The following HMGCL variants were observed in gnomAD, a reference collection of about 807,000 sequenced individuals.
The protein encoded by HMGCL is hydroxymethylglutaryl-CoA lyase, mitochondrial.
A neutral mutation model predicts 37.3 loss-of-function variants in HMGCL; 26 were observed. The observed-to-expected ratio is 0.70, with a 90% CI of 0.51 to 0.97. HMGCL has a LOEUF of 0.97. HMGCL is among the 50% of genes least tolerant of loss of function. The pLI is 0.00. For synonymous variants in HMGCL, 151 were observed against 148.0 expected, an observed-to-expected ratio of 1.02 and a Z score of -0.15; for missense variants, 379 against 398.1, an observed-to-expected ratio of 0.95 and a Z score of 0.41.
intron 4 of HMGCL, chr1:23,816,436 C>T: frequency 1.7e-6 from 1 of 573,774 alleles, no homozygotes; most frequent in Non-Finnish European, 3.1e-6. Context: ...TACATGCATC[C>T]TATCTTCTGA....
chr1:23,807,373 C>T, intron 7 of HMGCL: 1 of 404,898 alleles, frequency 2.5e-6, no homozygotes, highest in Non-Finnish European at 4.9e-6. Flanking sequence ...AACAGACTCA[C>T]CTGGCTTAGA....
chr1:23,815,931 CT>C (rs937565765), intron 4 of HMGCL, among the ~76,000 whole-genome samples: 206 of 141,738 alleles, frequency 1.5e-3, no homozygotes, highest in African/African-American at 2.0e-3. Flanking sequence ...TGAGAAAAAG[CT>C]TTTTTTTTTT....
At chr1:23,817,018 C>G (rs1234801062) in intron 3 of HMGCL, among the ~76,000 whole-genome samples, 5 of 152,194 alleles carry the variant, frequency 3.3e-5, no homozygotes, top group Admixed American at 3.3e-4. Flanking sequence ...TATGCAGAAA[C>G]AGCAGGAATA....
At chr1:23,816,834 A>G in intron 3 of HMGCL, 64 bp from the exon 4 acceptor site, 2 of 987,268 alleles carry the variant, frequency 2.0e-6, no homozygotes, top group Non-Finnish European at 3.3e-6. Flanking sequence ...CAGTTAGAGA[A>G]AACCTTTTCA....
At position 23,806,861 on chromosome 1, in the gene HMGCL, C is replaced by A. The variant is rs1243827545; in HGVS notation, c.750+1274G>T. 4 of 454,152 alleles carry A rather than the reference C, an allele frequency of 8.8e-6. No individual in the cohort carries two copies. The highest frequency in any genetic ancestry group is 2.4e-5 in the Admixed American group (1 of 41,582). 28.1% of individuals were successfully genotyped at this position (454,152 alleles called of 1,614,324 possible). On this transcript the variant is annotated intron_variant, in intron 7 of 8. Coordinates refer to ENST00000374490, the MANE Select transcript of HMGCL (RefSeq NM_000191.3). The surrounding 1 kb of genome is among the most constrained non-coding windows in gnomAD (Gnocchi z 4.0). ...AATGTGCTATTTACACGCCTGTAAT[C>A]TTCCATCTGTCTTCCCCACCCACCA...
At chr1:23,825,324 G>A in intron 1 of HMGCL, 32 bp downstream of exon 1, 2 of 1,539,828 alleles carry the variant, frequency 1.3e-6, no homozygotes, top group Non-Finnish European at 8.8e-7. Context: ...AGTGCCTGCA[G>A]GGCCGCCGCC....
chr1:23,804,272 G>T, intron 8 of HMGCL, 128 bp downstream of exon 8: 2 of 1,167,384 alleles, frequency 1.7e-6, no homozygotes, highest in Non-Finnish European at 2.5e-6. Context: ...CACTGCGCCT[G>T]GCTAACCCTT....
At position 23,804,426 on chromosome 1, in the gene HMGCL, T is replaced by C. The variant is rs748520421; in HGVS notation, c.850A>G (p.Met284Val). 3.7e-6 allele frequency: 6 copies of C among 1,614,232 alleles called. No individual in the cohort carries two copies. The highest frequency in any genetic ancestry group is 1.3e-5 in the African/African-American group (1 of 75,058). ...GNLATEDLVY[M>V]LEGLGIHTGV... ...GTGTGAATGCCCAAGCCCTCTAGCA[T>C]GTAGACCAGGTCTTCTGTGGCCAAG... The change falls in exon 8 of 9, where the codon ATG (methionine) becomes GTG (valine). Residue 284 changes from methionine to valine, a missense_variant. Coordinates refer to ENST00000374490, the MANE Select transcript of HMGCL (RefSeq NM_000191.3).
chr1:23,805,947 CTTTT>C (rs34801023), intron 7 of HMGCL, among the ~76,000 whole-genome samples: 2 of 146,190 alleles, frequency 1.4e-5, no homozygotes, highest in Non-Finnish European at 1.5e-5. Context: ...AGAGGAGCCT[CTTTT>C]TTTTTTTTGA....
chr1:23,814,313 A>C lies in HMGCL; in HGVS notation c.374T>G (p.Val125Gly), dbSNP rs905961108. Residue 125 changes from valine to glycine, a missense_variant, in exon 5 of 9, where the codon GTC (valine) becomes GGC (glycine). Transcript: ENST00000374490. ...GAGCTCTGAGGCAGCTCCAAAGATGACTACTTCCTTGGCTCCAGCAGCAAC... is the reference window on the plus strand; with the variant it reads ...GAGCTCTGAGGCAGCTCCAAAGATGCCTACTTCCTTGGCTCCAGCAGCAAC... ...AAVAAGAKEV[V>G]IFGAASELFT... is the part of the protein sequence containing the mutation. 2.5e-6 allele frequency: 4 copies of C among 1,613,462 alleles called. No homozygotes were observed. The African/African-American group carries it at 5.3e-5, about 22-fold the overall frequency.
At chr1:23,804,356 T>G in intron 8 of HMGCL, 44 bp downstream of exon 8, 1 of 1,612,960 alleles carries the variant, frequency 6.2e-7, no homozygotes, top group Non-Finnish European at 8.5e-7. Context: ...TCAGGCCCCC[T>G]GGTCAGTTCG....
rs1287032720 is a variant in HMGCL, at chr1:23,819,705, G to C, written c.144+805C>G. Among the ~76,000 whole-genome samples the C allele has an allele frequency of 8.5e-5, 13 of 152,258 alleles. No homozygotes were observed. In the East Asian group the frequency reaches 1.7e-3, roughly 20 times the overall value. ...GATTGCGCCATTGCACTCCAGCCTG[G>C]GTGACAGAGTGAGATGCCATCTCCC... On this transcript the variant is annotated intron_variant, in intron 2 of 8. Coordinates refer to ENST00000374490, the MANE Select transcript of HMGCL (RefSeq NM_000191.3).
intron 6 of HMGCL, among the ~76,000 whole-genome samples, 191 bp from the exon 7 acceptor site, chr1:23,808,514 G>A (rs1391021028): frequency 1.3e-5 from 2 of 152,156 alleles, no homozygotes; most frequent in African/African-American, 2.4e-5. Flanking sequence ...AGACTGAGGC[G>A]TAAGGGGCAG....
rs1194563406 is a variant in HMGCL at position 23,802,508 on chromosome 1, G to A, written c.933C>T (p.Asn311=). The A allele has an allele frequency of 1.9e-6, 3 of 1,614,008 alleles. No individual in the cohort carries two copies. The South Asian group carries it at 3.3e-5, about 18-fold the overall frequency. The stretch of plus-strand genomic sequence containing the variant: ...GAGCCACTTTGGAGCTAGTTTTTCT[G>A]TTCAGGGCTTGACAGATAAAGTTTC... ...EAGNFICQAL[N]RKTSSKVAQA... Residue 311 remains asparagine (N), a synonymous_variant, in exon 9 of 9, where the codon AAC becomes AAT. Coordinates refer to ENST00000374490, the MANE Select transcript of HMGCL (RefSeq NM_000191.3).
rs568796561 is a variant in HMGCL at position 23,804,502 on chromosome 1, A to G, written c.774T>C (p.Ser258=). 1.1e-5 allele frequency: 17 copies of G among 1,614,154 alleles called. No homozygotes were observed. In the South Asian group the frequency reaches 1.8e-4, roughly 17 times the overall value. Residue 258 remains serine, a synonymous_variant, in exon 8 of 9, where the codon TCT becomes TCC. Coordinates refer to ENST00000374490, the MANE Select transcript of HMGCL (RefSeq NM_000191.3). ...ALQMGVSVVD[S]SVAGLGGCPY... is the part of the protein sequence containing the mutation. ...GACAGCCTCCAAGTCCTGCCACAGA[A>G]GAGTCCACGACACTCACTCCCATCT...
At chr1:23,807,557 G>A (rs553970337) in intron 7 of HMGCL, among the ~76,000 whole-genome samples, 7 of 152,306 alleles carry the variant, frequency 4.6e-5, no homozygotes, top group East Asian at 1.9e-4. Context: ...ACCAGCCCAC[G>A]AGAAGCAAAC....
Position 23,820,604 on chromosome 1 carries a change from A to G in HMGCL, c.61-11T>C. 3 of 1,605,436 alleles carry G rather than the reference A, an allele frequency of 1.9e-6. No homozygotes were observed. The highest frequency in any genetic ancestry group is 2.6e-6 in the Non-Finnish European group (3 of 1,172,048). ...AGATGAGGTGCTGACCTTTGGTTTA[A>G]AAGAGGAAACAAAAAGTATGAGGAA... On this transcript the variant is annotated splice_polypyrimidine_tract_variant and intron_variant, in intron 1 of 8. Coordinates refer to ENST00000374490, the MANE Select transcript of HMGCL (RefSeq NM_000191.3).
intron 1 of HMGCL, among the ~76,000 whole-genome samples, chr1:23,823,163 C>G (rs1230965399): frequency 8.4e-6 from 1 of 118,652 alleles, no homozygotes; most frequent in Admixed American, 1.1e-4. Flanking sequence ...GGTACAAGAG[C>G]GAGACTTCTT....
chr1:23,820,731 G>A (rs1342740495), intron 1 of HMGCL, 138 bp from the exon 2 acceptor site: 3 of 716,750 alleles, frequency 4.2e-6, no homozygotes, highest in Non-Finnish European at 7.6e-6. Flanking sequence ...ATTCACATTT[G>A]GTCTATTTTA....
Sources: gnomAD v4.1 joint callset for allele counts (sites outside exome capture counted in the v4.1 genomes callset) on GRCh38, gnomAD v4.1.1 for gene constraint, Gnocchi (gnomAD v3.1) non-coding constraint, MANE v1.5 for transcripts, NCBI Gene and HGNC (gene_info 2026-07-23, HGNC 2026-07-21) for gene names.